Variants in CSMD2 observed in about 807,000 individuals in gnomAD.
CSMD2 encodes the protein CUB and Sushi multiple domains 2.
In CSMD2, 130 loss-of-function variants were observed where a neutral mutation model predicts 398.5. That is an observed-to-expected ratio of 0.33 (90% CI 0.28 to 0.38). The LOEUF is 0.38. CSMD2 is among the 10% of genes least tolerant of loss of function. The pLI is 1.00. For missense variants in CSMD2, 3,829 were observed against 4,764.9 expected, an observed-to-expected ratio of 0.80 and a Z score of 5.78; for synonymous variants, 1,828 against 1,908.5, an observed-to-expected ratio of 0.96 and a Z score of 1.10.
chr1:33,786,811 CAG>C (rs771552982), intron 12 of CSMD2, among the ~76,000 whole-genome samples: 38 of 152,192 alleles, frequency 2.5e-4, no homozygotes, highest in East Asian at 2.3e-3. Context: ...TAAAAAATCT[CAG>C]TATAGCTGTC....
At chr1:33,650,311 G>A (rs1391536923) in intron 28 of CSMD2, among the ~76,000 whole-genome samples, 1 of 152,226 alleles carries the variant, frequency 6.6e-6, no homozygotes, top group Non-Finnish European at 1.5e-5. Context: ...GCCCGAGGCA[G>A]AGCAGAAACA....
intron 1 of CSMD2, among the ~76,000 whole-genome samples, chr1:34,138,724 T>C: frequency 6.6e-6 from 1 of 152,196 alleles, no homozygotes; most frequent in East Asian, 1.9e-4. Flanking sequence ...CCAAGTTGCT[T>C]TCCAGCAAGT....
In CSMD2 at chr1:33,815,832, C is replaced by T. The variant is rs148386500; in HGVS notation, c.1324+3881G>A. ...CTGAGGGACATTCTCAGGGCTGGAG[C>T]AATGGGGCATGTACTCTAGTACAAT... On this transcript the variant is annotated intron_variant, in intron 9 of 70. Transcript: ENST00000373381. Among the ~76,000 whole-genome samples the T allele has an allele frequency of 1.8e-3, 278 of 152,232 alleles. 1 individual carries two copies. The highest frequency in any genetic ancestry group is 1.6e-3 in the Non-Finnish European group (110 of 68,014).
chr1:33,808,346 G>C (rs1324668279), intron 10 of CSMD2, among the ~76,000 whole-genome samples: 1 of 151,654 alleles, frequency 6.6e-6, no homozygotes, highest in African/African-American at 2.4e-5. Context: ...CAGAATCTAT[G>C]TGAAAAATGA....
intron 42 of CSMD2, among the ~76,000 whole-genome samples, 181 bp downstream of exon 42, chr1:33,605,101 C>T (rs967033157): frequency 2.0e-5 from 3 of 152,194 alleles, no homozygotes; most frequent in African/African-American, 7.2e-5. Flanking sequence ...GGAGCCCTGT[C>T]ACCAGGACCC....
chr1:33,689,546 C>T (rs2149089832), intron 25 of CSMD2, among the ~76,000 whole-genome samples: 1 of 152,258 alleles, frequency 6.6e-6, no homozygotes, highest in African/African-American at 2.4e-5. Flanking sequence ...CCCCCATAGC[C>T]ACCATTCTCA....
Position 33,907,115 on chromosome 1 carries a change from C to CT in CSMD2, c.920+10978dup, listed in dbSNP as rs59706894. Among the ~76,000 whole-genome samples, 465 of 88,964 alleles carry CT rather than the reference C, an allele frequency of 5.2e-3. 7 individuals carry two copies. The highest frequency in any genetic ancestry group is 6.9e-3 in the Non-Finnish European group (331 of 48,114). 58.4% of individuals were successfully genotyped at this position (88,964 alleles called of 152,430 possible). A position where few individuals can be genotyped will look rare whatever the true frequency, so the allele number is the denominator to read the frequency against. On this transcript the variant is annotated intron_variant, in intron 5 of 70. Transcript: ENST00000373381. Reference sequence around the variant, plus strand: ...GTGGGGTTGGTTATTTGATGATTATCTTTTTTTTTTTTTTTTTTTTTGAGA... The same window carrying CT: ...GTGGGGTTGGTTATTTGATGATTATCTTTTTTTTTTTTTTTTTTTTTTGAGA...
At chr1:33,567,546 T>C (rs1363833006) in intron 53 of CSMD2, 47 bp downstream of exon 53, 2 of 1,600,932 alleles carry the variant, frequency 1.2e-6, no homozygotes, top group Non-Finnish European at 8.5e-7. Flanking sequence ...AGAAAGTCCA[T>C]GTTGAATCTG....
chr1:33,936,344 T>C (rs571734175), intron 3 of CSMD2, among the ~76,000 whole-genome samples: 3 of 152,288 alleles, frequency 2.0e-5, no homozygotes, highest in Admixed American at 6.5e-5. Context: ...CTAAATACCA[T>C]GGAAGGGACA....
At chr1:33,967,448 A>T (rs1385981952) in intron 3 of CSMD2, among the ~76,000 whole-genome samples, 6 of 149,006 alleles carry the variant, frequency 4.0e-5, no homozygotes, top group African/African-American at 1.5e-4. Context: ...CCCACAGGTG[A>T]ACCCAGGCAC....
At position 33,657,927 on chromosome 1, in the gene CSMD2, C is replaced by T. The variant is rs762135086; in HGVS notation, c.4447+19G>A. 3.1e-6 allele frequency: 5 copies of T among 1,600,878 alleles called. No homozygotes were observed. Among genetic ancestry groups the T allele is most frequent in the Non-Finnish European group, 4.3e-6 (5 of 1,170,148 alleles). Reference sequence around the variant, plus strand: ...CTGTGAGCCCCAAGAGCAGAGTGCACCCTGCAGCTGCTTTGTACCGATGCA... The same window carrying T: ...CTGTGAGCCCCAAGAGCAGAGTGCATCCTGCAGCTGCTTTGTACCGATGCA... On this transcript the variant is annotated intron_variant, in intron 27 of 70. Coordinates refer to ENST00000373381, the MANE Select transcript of CSMD2 (RefSeq NM_001281956.2).
intron 10 of CSMD2, among the ~76,000 whole-genome samples, chr1:33,805,664 G>C (rs1656143790): frequency 6.6e-6 from 1 of 152,218 alleles, no homozygotes; most frequent in South Asian, 2.1e-4. Flanking sequence ...GGATGGGGCT[G>C]TAATCCGATG....
chr1:33,936,121 T>TA (rs570571916), intron 3 of CSMD2, among the ~76,000 whole-genome samples, 167 bp from the exon 4 acceptor site: 152 of 152,340 alleles, frequency 1.0e-3, no homozygotes, highest in African/African-American at 3.4e-3. Context: ...CTCAAGGCTG[T>TA]AGATTCCCTG....
At chr1:33,732,627 T>C (rs1332294544) in intron 15 of CSMD2, among the ~76,000 whole-genome samples, 2 of 152,104 alleles carry the variant, frequency 1.3e-5, no homozygotes, top group African/African-American at 4.8e-5. Flanking sequence ...AGAAAATAAA[T>C]TTATGTTGTT....
chr1:34,164,922 G>A lies in CSMD2; in HGVS notation c.176C>T (p.Ser59Leu), dbSNP rs1641738036. 1.6e-6 allele frequency: 2 copies of A among 1,219,796 alleles called. No homozygotes were observed. Among genetic ancestry groups the A allele is most frequent in the Non-Finnish European group, 2.0e-6 (2 of 980,304 alleles). 75.6% of individuals were successfully genotyped at this position (1,219,796 alleles called of 1,614,324 possible). A position where few individuals can be genotyped will look rare whatever the true frequency, so the allele number is the denominator to read the frequency against. ...GCGGCTGGACTCACCCGCGGCGGCC[G>A]AGACGCTGAGCAACCCACAGCCCAG... The part of the protein sequence containing the change: ...LLLGCGLLSV[S>L]AAAGQNCTFQ... Residue 59 changes from serine to leucine, a missense_variant, in exon 1 of 71, where the codon TCG becomes TTG. Ser to Leu is a moderately radical substitution (Grantham distance 145). Transcript: ENST00000373381. This position sits in a 1 kb window ranked among gnomAD's most constrained non-coding sequence, Gnocchi z 6.2.
rs370590437 is a variant in CSMD2, at chr1:33,740,006, C to T, written c.2174-672G>A. On this transcript the variant is annotated intron_variant, in intron 14 of 70. Coordinates refer to ENST00000373381, the MANE Select transcript of CSMD2 (RefSeq NM_001281956.2). ...GTTACATGGTCCTGGACAACTTATGCAATTCTGATGAGCCTTAGTTTCCTG... is the reference window on the plus strand; with the variant it reads ...GTTACATGGTCCTGGACAACTTATGTAATTCTGATGAGCCTTAGTTTCCTG... 2.0e-5 allele frequency among the ~76,000 whole-genome samples: 3 copies of T among 152,264 alleles called. No individual in the cohort carries two copies. The South Asian group carries it at 6.2e-4, about 32-fold the overall frequency.
Position 33,523,381 on chromosome 1 carries a change from C to T in CSMD2, c.10435G>A (p.Val3479Met), listed in dbSNP as rs1411755235. The T allele has an allele frequency of 6.3e-7, 1 of 1,584,070 alleles. No individual in the cohort carries two copies. The highest frequency in any genetic ancestry group is 1.7e-5 in the Admixed American group (1 of 59,258). Residue 3479 changes from valine (V) to methionine (M), a missense_variant, in exon 67 of 71, where the codon GTG (valine) becomes ATG (methionine). Transcript: ENST00000373381. ...KKEDFHLLLQ[V>M]YQITGPVEIF... ...TCCACAGGCCCTGTAATCTGGTACACCTGGAGTAGGAGATGAAAATCTTCT... is the reference window on the plus strand; with the variant it reads ...TCCACAGGCCCTGTAATCTGGTACATCTGGAGTAGGAGATGAAAATCTTCT...
At chr1:33,622,107 GC>G in intron 37 of CSMD2, 59 bp downstream of exon 37, 1 of 1,237,068 alleles carries the variant, frequency 8.1e-7, no homozygotes, top group Non-Finnish European at 1.2e-6. Flanking sequence ...CTCAGAAGGG[GC>G]TCAGCAACTT....
chr1:33,871,678 G>A (rs1386541092), intron 5 of CSMD2, among the ~76,000 whole-genome samples: 1 of 152,138 alleles, frequency 6.6e-6, no homozygotes, highest in East Asian at 1.9e-4. Flanking sequence ...GTGTAGTAGC[G>A]TGATCTCGGC....
Sources: allele counts gnomAD v4.1 joint callset (sites outside exome capture counted in the v4.1 genomes callset), GRCh38; gene constraint gnomAD v4.1.1; non-coding constraint Gnocchi (gnomAD v3.1); transcripts MANE v1.5; gene names NCBI Gene and HGNC (gene_info 2026-07-23, HGNC 2026-07-21).